The following MARCHF10 variants were observed in gnomAD, a reference collection of about 807,000 sequenced individuals.
MARCHF10 encodes membrane associated ring-CH-type finger 10.
Under a neutral mutation model 76.2 loss-of-function variants are expected in MARCHF10, and 64 were observed. The ratio of observed to expected loss-of-function variants is 0.84; its 90% confidence interval spans 0.69 to 1.03. The LOEUF (loss-of-function observed/expected upper bound fraction) is 1.03, where lower values mean the gene tolerates loss of function less well. MARCHF10 is among the 50% of genes least tolerant of loss of function. The probability of loss-of-function intolerance (pLI) is 0.00; values close to 1 mark genes in which losing one functional copy is unlikely to be tolerated. For missense variants in MARCHF10, 875 were observed against 958.0 expected (o/e 0.91, Z 1.14); for synonymous variants, 340 against 357.5 (o/e 0.95, Z 0.55).
chr17:62,723,272 T>C (rs2090581230), intron 7 of MARCHF10, among the ~76,000 whole-genome samples: 1 of 150,318 alleles, frequency 6.7e-6, no homozygotes, highest in South Asian at 2.1e-4. Flanking sequence ...AATGCAAAAG[T>C]GGAGGATGCA....
At chr17:62,804,386 G>A (rs2093129421) in intron 1 of MARCHF10, among the ~76,000 whole-genome samples, 2 of 152,146 alleles carry the variant, frequency 1.3e-5, no homozygotes, top group Admixed American at 1.3e-4. Context: ...AGAGGACACA[G>A]GGACAAAACC....
intron 10 of MARCHF10, chr17:62,703,407 T>A (rs549788542): frequency 6.6e-6 from 1 of 152,424 alleles, no homozygotes; most frequent in Admixed American, 6.5e-5. Context: ...GGAGGCTGGG[T>A]GCCCATGGCT....
intron 4 of MARCHF10, among the ~76,000 whole-genome samples, chr17:62,751,553 T>C (rs999391140): frequency 6.6e-6 from 1 of 152,316 alleles, no homozygotes; most frequent in Middle Eastern, 3.4e-3. Context: ...AAAAATAGTT[T>C]CGCAGGCCCC....
intron 4 of MARCHF10, among the ~76,000 whole-genome samples, chr17:62,747,890 A>G (rs73335757): frequency 0.021 from 3,274 of 152,304 alleles, 123 homozygotes; most frequent in African/African-American, 0.072. Flanking sequence ...TTGCTATGCT[A>G]TAATTTGAGG....
At chr17:62,722,836 A>G (rs983906217) in intron 7 of MARCHF10, among the ~76,000 whole-genome samples, 4 of 152,158 alleles carry the variant, frequency 2.6e-5, no homozygotes, top group Non-Finnish European at 5.9e-5. Context: ...ACGACTTTTA[A>G]ATAGCAGATC....
intron 9 of MARCHF10, among the ~76,000 whole-genome samples, chr17:62,707,219 A>G (rs945588229): frequency 6.6e-6 from 1 of 152,034 alleles, no homozygotes; most frequent in Non-Finnish European, 1.5e-5. Context: ...CAGGCTGGAA[A>G]CTGTTCCATG....
intron 5 of MARCHF10, among the ~76,000 whole-genome samples, chr17:62,742,533 G>A (rs1568145443): frequency 6.6e-6 from 1 of 152,112 alleles, no homozygotes; most frequent in Non-Finnish European, 1.5e-5. Context: ...AAGGAGCCAC[G>A]GGTATAATGG....
intron 3 of MARCHF10, among the ~76,000 whole-genome samples, chr17:62,766,127 T>C (rs2092325315): frequency 6.6e-6 from 1 of 151,474 alleles, no homozygotes; most frequent in South Asian, 2.1e-4. Context: ...GCCTAGGAGG[T>C]TGAGGCTGCA....
intron 1 of MARCHF10, among the ~76,000 whole-genome samples, chr17:62,805,432 A>G (rs2093147985): frequency 6.6e-6 from 1 of 152,212 alleles, no homozygotes; most frequent in Non-Finnish European, 1.5e-5. Flanking sequence ...ACTAAAGGGG[A>G]GCATCCCAGA....
intron 1 of MARCHF10, among the ~76,000 whole-genome samples, chr17:62,804,124 G>A (rs1347996717): frequency 2.0e-5 from 3 of 152,208 alleles, no homozygotes; most frequent in African/African-American, 7.2e-5. Context: ...AGGGGTGGAA[G>A]TCTCAGGGAT....
At chr17:62,784,177 T>C (rs574433772) in intron 3 of MARCHF10, among the ~76,000 whole-genome samples, 37 of 152,304 alleles carry the variant, frequency 2.4e-4, no homozygotes, top group African/African-American at 8.9e-4. Flanking sequence ...TTATCCACCA[T>C]GATCAAGTCC....
At chr17:62,707,060 C>T (rs1270158353) in intron 9 of MARCHF10, among the ~76,000 whole-genome samples, 1 of 152,206 alleles carries the variant, frequency 6.6e-6, no homozygotes, top group Non-Finnish European at 1.5e-5. Context: ...ACCCCAGACC[C>T]AGCCCTGTCC....
At chr17:62,773,499 A>G (rs753871788) in intron 3 of MARCHF10, among the ~76,000 whole-genome samples, 3 of 152,178 alleles carry the variant, frequency 2.0e-5, no homozygotes, top group Non-Finnish European at 4.4e-5. Context: ...AGGGGAAGAA[A>G]TAAGTGGAGG....
chr17:62,711,156 T>A lies in MARCHF10; in HGVS notation c.2328+75A>T. On this transcript the variant is annotated intron_variant, in intron 9 of 10. Transcript: ENST00000311269. The surrounding 1 kb of genome is among the most constrained non-coding windows in gnomAD (Gnocchi z 4.4). The stretch of plus-strand genomic sequence containing the variant: ...AAGCGACCGTGAGGACCTCAACAGC[T>A]TGCACATCTAATAAACAGCACTGCA... 1.6e-6 allele frequency: 2 copies of A among 1,223,134 alleles called. No individual in the cohort carries two copies. The highest frequency in any genetic ancestry group is 4.7e-5 in the East Asian group (2 of 42,848). 75.8% of individuals were successfully genotyped at this position (1,223,134 alleles called of 1,614,324 possible). A position where few individuals can be genotyped will look rare whatever the true frequency, so the allele number is the denominator to read the frequency against.
chr17:62,755,565 A>T (rs1599238123), intron 4 of MARCHF10, among the ~76,000 whole-genome samples: 1 of 152,236 alleles, frequency 6.6e-6, no homozygotes, highest in South Asian at 2.1e-4. Flanking sequence ...GTAACTAAGA[A>T]CATGTAACTC....
At chr17:62,707,184 C>T (rs922040989) in intron 9 of MARCHF10, among the ~76,000 whole-genome samples, 1 of 152,226 alleles carries the variant, frequency 6.6e-6, no homozygotes. Context: ...CCTCCCAAAA[C>T]CCACATCTCC....
At chr17:62,722,249 G>T (rs9900080) in intron 8 of MARCHF10, among the ~76,000 whole-genome samples, 37,526 of 139,300 alleles carry the variant, frequency 0.27, 5,599 homozygotes, top group Non-Finnish European at 0.34. Flanking sequence ...CTGCATTCCC[G>T]CCTGGGCGAC....
Position 62,723,559 on chromosome 17 carries a change from C to CTTTTTTTTTTTTTTTTTTT in MARCHF10, c.2105-981_2105-963dup, listed in dbSNP as rs60456766. On this transcript the variant is annotated intron_variant, in intron 7 of 10. Coordinates refer to ENST00000311269, the MANE Select transcript of MARCHF10 (RefSeq NM_152598.4). Reference sequence around the variant, plus strand: ...CCTTATCTGCATTTTGTTCGCTTGACTTTTTTTTTTTTTTTTTTTAGCGTC... The same window carrying CTTTTTTTTTTTTTTTTTTT: ...CCTTATCTGCATTTTGTTCGCTTGACTTTTTTTTTTTTTTTTTTTTTTTTTTTTTTTTTTTTTTAGCGTC... Among the ~76,000 whole-genome samples the CTTTTTTTTTTTTTTTTTTT allele has an allele frequency of 2.4e-3, 192 of 80,324 alleles. 24 individuals are homozygous for CTTTTTTTTTTTTTTTTTTT. Among genetic ancestry groups the CTTTTTTTTTTTTTTTTTTT allele is most frequent in the African/African-American group, 6.7e-3 (123 of 18,362 alleles). The allele number at this position is 80,324 out of a possible 152,430, so 52.7% of individuals were successfully genotyped here. A position where few individuals can be genotyped will look rare whatever the true frequency, so the allele number is the denominator to read the frequency against.
chr17:62,701,691 T>A lies in MARCHF10; in HGVS notation c.*12A>T. 4 of 1,614,028 alleles carry A rather than the reference T, an allele frequency of 2.5e-6. No individual in the cohort carries two copies. Among genetic ancestry groups the A allele is most frequent in the Non-Finnish European group, 3.4e-6 (4 of 1,180,020 alleles). On this transcript the variant is annotated 3_prime_UTR_variant, in exon 11 of 11. Transcript: ENST00000311269. ...GAGAGGTCTCCGCCGAGCTCCACAG[T>A]TGGCTTCCTTGCTAGACGACCTGGC... is the stretch of plus-strand genomic sequence containing the variant.
Sources: gnomAD v4.1 joint callset for allele counts (sites outside exome capture counted in the v4.1 genomes callset) on GRCh38, gnomAD v4.1.1 for gene constraint, Gnocchi (gnomAD v3.1) non-coding constraint, MANE v1.5 for transcripts, NCBI Gene and HGNC (gene_info 2026-07-23, HGNC 2026-07-21) for gene names.